Variants in VRK2 observed in about 807,000 individuals in gnomAD.
The protein encoded by VRK2 is serine/threonine-protein kinase VRK2.
Under a neutral mutation model 57.6 loss-of-function variants are expected in VRK2, and 60 were observed. The ratio of observed to expected loss-of-function variants is 1.04; its 90% CI spans 0.85 to 1.29. VRK2 has a LOEUF of 1.29. VRK2 is among the 50% of genes most tolerant of loss of function. The probability of loss-of-function intolerance (pLI) is 0.00; values close to 1 mark genes in which losing one functional copy is unlikely to be tolerated. For missense variants in VRK2, 705 were observed against 588.1 expected, an observed-to-expected ratio of 1.20 and a Z score of -2.06; for synonymous variants, 231 against 199.2, an observed-to-expected ratio of 1.16 and a Z score of -1.35.
At chr2:58,112,127 A>G (rs1182887856) in intron 7 of VRK2, among the ~76,000 whole-genome samples, 2 of 152,196 alleles carry the variant, frequency 1.3e-5, no homozygotes, top group East Asian at 1.9e-4. Context: ...TTTTGAAAAA[A>G]GAGAATGGAA....
chr2:58,153,693 G>T (rs72948807), intron 12 of VRK2, among the ~76,000 whole-genome samples: 2,965 of 152,076 alleles, frequency 0.019, 110 homozygotes, highest in African/African-American at 0.068. Context: ...TACTGTTTTT[G>T]TTGGTTTTGG....
At chr2:57,940,188 C>T (rs1671047835) in intron 1 of VRK2, among the ~76,000 whole-genome samples, 1 of 152,100 alleles carries the variant, frequency 6.6e-6, no homozygotes, top group Admixed American at 6.6e-5. Context: ...GATCTGCTAT[C>T]TGCAGGATGA....
chr2:58,018,902 T>C (rs1388527273), intron 1 of VRK2, among the ~76,000 whole-genome samples: 2 of 152,228 alleles, frequency 1.3e-5, no homozygotes, highest in African/African-American at 2.4e-5. Flanking sequence ...ACACCCTCAC[T>C]GCATCCACAT....
intron 1 of VRK2, among the ~76,000 whole-genome samples, chr2:57,987,941 C>G (rs1672648971): frequency 6.6e-6 from 1 of 152,128 alleles, no homozygotes; most frequent in Non-Finnish European, 1.5e-5. Flanking sequence ...ACAAGGCATT[C>G]TGGAAAAGTC....
In VRK2 at chr2:57,974,688, T is replaced by C. The variant is rs147500949; in HGVS notation, c.-438-50977T>C. Among the ~76,000 whole-genome samples the C allele has an allele frequency of 7.4e-3, 1,130 of 151,776 alleles. 19 individuals carry two copies. Among genetic ancestry groups the C allele is most frequent in the African/African-American group, 0.025 (1,029 of 41,422 alleles). On this transcript the variant is annotated intron_variant, in intron 1 of 15. Transcript: ENST00000417641. ...AGGAATATGTACTTCAATTATTAAATAGAAAACATTTAAAGATTAAGGAAA... is the reference window on the plus strand; with the variant it reads ...AGGAATATGTACTTCAATTATTAAACAGAAAACATTTAAAGATTAAGGAAA...
intron 1 of VRK2, among the ~76,000 whole-genome samples, chr2:57,999,936 G>A (rs1024717860): frequency 1.3e-5 from 2 of 151,986 alleles, no homozygotes; most frequent in Non-Finnish European, 2.9e-5. Flanking sequence ...TTGAGGCCAG[G>A]AGTTTGAGAC....
chr2:57,997,153 T>C (rs975488032), intron 1 of VRK2, among the ~76,000 whole-genome samples: 23 of 152,170 alleles, frequency 1.5e-4, no homozygotes, highest in African/African-American at 5.5e-4. Context: ...GATAATCGAT[T>C]TTGTCTGATG....
At chr2:58,001,480 T>G (rs945406727) in intron 1 of VRK2, among the ~76,000 whole-genome samples, 4 of 152,346 alleles carry the variant, frequency 2.6e-5, no homozygotes, top group African/African-American at 7.2e-5. Flanking sequence ...ATGTAAGAAT[T>G]AATCTTCTGC....
At position 57,920,433 on chromosome 2, in the gene VRK2, T is replaced by C. The variant is rs371781823; in HGVS notation, c.-439+12594T>C. Among the ~76,000 whole-genome samples the C allele has an allele frequency of 1.2e-4, 18 of 152,164 alleles. No homozygotes were observed. In the East Asian group the frequency reaches 2.1e-3, roughly 18 times the overall value. On this transcript the variant is annotated intron_variant, in intron 1 of 15. Coordinates refer to the VRK2 transcript ENST00000417641. ...GATCAATTGATTTCACAGGATATTT[T>C]ACTCAATGGGCTCAGTTATGATTTG...
chr2:58,068,003 C>A (rs1250521563), intron 2 of VRK2, among the ~76,000 whole-genome samples: 1 of 151,608 alleles, frequency 6.6e-6, no homozygotes, highest in African/African-American at 2.4e-5. Context: ...AATCTTGGCT[C>A]ACTGCAGCCT....
At chr2:57,918,959 A>G (rs1372963594) in intron 1 of VRK2, among the ~76,000 whole-genome samples, 1 of 152,146 alleles carries the variant, frequency 6.6e-6, no homozygotes, top group Non-Finnish European at 1.5e-5. Context: ...GCATGACTAA[A>G]ATATCCAATT....
chr2:57,988,270 C>T (rs779571308), intron 1 of VRK2, among the ~76,000 whole-genome samples: 1 of 152,100 alleles, frequency 6.6e-6, no homozygotes, highest in Non-Finnish European at 1.5e-5. Flanking sequence ...ATGTTAAAAT[C>T]TCTTCACATA....
At chr2:57,957,986 T>C (rs1434067187) in intron 1 of VRK2, among the ~76,000 whole-genome samples, 2 of 152,154 alleles carry the variant, frequency 1.3e-5, no homozygotes, top group East Asian at 1.9e-4. Flanking sequence ...GTTGAGGCAA[T>C]GCAAATCTAC....
At chr2:58,134,995 T>C in intron 9 of VRK2, 146 bp from the exon 10 acceptor site, 3 of 739,782 alleles carry the variant, frequency 4.1e-6, no homozygotes, top group Non-Finnish European at 6.7e-6. Flanking sequence ...CTTACTTTCC[T>C]ATCCATTATA....
chr2:58,122,713 C>T (rs1158007699), intron 7 of VRK2, among the ~76,000 whole-genome samples: 1 of 152,110 alleles, frequency 6.6e-6, no homozygotes, highest in Non-Finnish European at 1.5e-5. Flanking sequence ...ATCTCCCCTT[C>T]CTGCTTGAAA....
At chr2:58,017,458 C>T (rs1459846171) in intron 1 of VRK2, among the ~76,000 whole-genome samples, 1 of 152,152 alleles carries the variant, frequency 6.6e-6, no homozygotes, top group Admixed American at 6.5e-5. Flanking sequence ...TATTATGGTC[C>T]CCAATTTGAT....
intron 2 of VRK2, among the ~76,000 whole-genome samples, chr2:58,075,156 A>G (rs190243307): frequency 3.3e-5 from 5 of 152,004 alleles, no homozygotes; most frequent in Admixed American, 1.3e-4. Context: ...CTAGTTTTCT[A>G]TTCCTGTGTT....
At position 57,974,617 on chromosome 2, in the gene VRK2, T is replaced by C. The variant is rs147152529; in HGVS notation, c.-438-51048T>C. Among the ~76,000 whole-genome samples, 7 of 151,970 alleles carry C rather than the reference T, an allele frequency of 4.6e-5. No individual in the cohort carries two copies. In the East Asian group the frequency reaches 1.2e-3, roughly 25 times the overall value. ...TTAGAATTCAGTGAAAATTTGAACA[T>C]ATAAACTGTGAGATAAAGGCAAAGC... On this transcript the variant is annotated intron_variant, in intron 1 of 15. Coordinates refer to the VRK2 transcript ENST00000417641.
rs1676243577 is a variant in VRK2, at chr2:58,054,601, T to C, written c.136+5634T>C. ...GAATAAATAGTATGAGGTGTGTTTC[T>C]TCTTTTAAGACACAGGAATATCTAT... On this transcript the variant is annotated intron_variant, in intron 2 of 12. Coordinates refer to ENST00000340157, the MANE Select transcript of VRK2 (RefSeq NM_006296.7). Among the ~76,000 whole-genome samples the C allele has an allele frequency of 2.0e-5, 3 of 152,162 alleles. No homozygotes were observed. The South Asian group carries it at 6.2e-4, about 31-fold the overall frequency.
Sources: gnomAD v4.1 joint callset for allele counts (sites outside exome capture counted in the v4.1 genomes callset) on GRCh38, gnomAD v4.1.1 for gene constraint, MANE v1.5 for transcripts, NCBI Gene and HGNC (gene_info 2026-07-23, HGNC 2026-07-21) for gene names.